The following ADAMTS3 variants were observed in gnomAD, a reference collection of about 807,000 sequenced individuals.
ADAMTS3 encodes the protein A disintegrin and metalloproteinase with thrombospondin motifs 3.
A neutral mutation model predicts 129.0 loss-of-function variants in ADAMTS3; 73 were observed. The ratio of observed to expected loss-of-function variants is 0.57; its 90% CI spans 0.47 to 0.69. The LOEUF is 0.69. Among genes scored for constraint, ADAMTS3 ranks in the 30% least tolerant of loss-of-function variants. The pLI is 0.00. For synonymous variants in ADAMTS3, 477 were observed against 510.8 expected, an observed-to-expected ratio of 0.93 and a Z score of 0.89; for missense variants, 1,457 against 1,514.5, an observed-to-expected ratio of 0.96 and a Z score of 0.63.
intron 3 of ADAMTS3, among the ~76,000 whole-genome samples, chr4:72,546,850 G>A (rs1199747383): frequency 6.6e-6 from 1 of 152,146 alleles, no homozygotes; most frequent in Non-Finnish European, 1.5e-5. Context: ...TTCCCAAGAA[G>A]TGTGTAAAAT....
intron 5 of ADAMTS3, chr4:72,330,549 T>C (rs753949386): frequency 5.3e-5 from 8 of 152,234 alleles, no homozygotes; most frequent in Non-Finnish European, 1.2e-4. Context: ...TACTACCAAG[T>C]ACCGCAGACA....
intron 19 of ADAMTS3, among the ~76,000 whole-genome samples, chr4:72,293,484 T>A (rs1718728997): frequency 6.6e-6 from 1 of 152,118 alleles, no homozygotes; most frequent in African/African-American, 2.4e-5. Context: ...TGAGATCGCT[T>A]TAGAAACCTA....
chr4:72,315,576 C>T (rs1719371497), intron 11 of ADAMTS3, among the ~76,000 whole-genome samples: 1 of 152,132 alleles, frequency 6.6e-6, no homozygotes, highest in African/African-American at 2.4e-5. Flanking sequence ...TGGCCCTGCC[C>T]ACACACTGAT....
chr4:72,329,463 C>CA (rs1350099292), intron 5 of ADAMTS3, among the ~76,000 whole-genome samples: 1 of 152,168 alleles, frequency 6.6e-6, no homozygotes, highest in Non-Finnish European at 1.5e-5. Context: ...CAGACATTGT[C>CA]ATTGCTACTT....
chr4:72,359,010 C>T (rs893211953), intron 4 of ADAMTS3, among the ~76,000 whole-genome samples: 3 of 151,662 alleles, frequency 2.0e-5, no homozygotes, highest in African/African-American at 7.3e-5. Context: ...AAAACATAAA[C>T]AAAACAAAGA....
At chr4:72,284,481 T>C (rs1159634354) in intron 21 of ADAMTS3, among the ~76,000 whole-genome samples, 2 of 151,762 alleles carry the variant, frequency 1.3e-5, no homozygotes, top group Admixed American at 6.6e-5. Context: ...TTGAATAAAA[T>C]AGTTTCATGT....
chr4:72,283,181 G>A lies in ADAMTS3; in HGVS notation c.3573C>T (p.Ile1191=), dbSNP rs867569705. Residue 1191 remains isoleucine, a synonymous_variant, in exon 22 of 22, where the codon ATC becomes ATT. Transcript: ENST00000286657. ...ATCTTGTCGGACGTCTGTTGTCAATGATCTTTCCATCTTTCTTTGAGGTTC... is the reference window on the plus strand; with the variant it reads ...ATCTTGTCGGACGTCTGTTGTCAATAATCTTTCCATCTTTCTTTGAGGTTC... ...QARTSKKDGK[I]IDNRRPTRSS... 6.2e-7 allele frequency: 1 copy of A among 1,613,558 alleles called. No individual in the cohort carries two copies. The highest frequency in any genetic ancestry group is 1.1e-5 in the South Asian group (1 of 91,026).
chr4:72,491,986 TG>T (rs1719757684), intron 3 of ADAMTS3, among the ~76,000 whole-genome samples: 1 of 151,750 alleles, frequency 6.6e-6, no homozygotes, highest in African/African-American at 2.4e-5. Flanking sequence ...GACACAATTT[TG>T]GTAGTTTGAA....
chr4:72,333,690 A>G (rs1719908950), intron 5 of ADAMTS3, among the ~76,000 whole-genome samples: 1 of 152,062 alleles, frequency 6.6e-6, no homozygotes, highest in Non-Finnish European at 1.5e-5. Context: ...CTGACTCCTT[A>G]CACACTAAAT....
At chr4:72,290,542 T>C (rs911400279) in intron 20 of ADAMTS3, among the ~76,000 whole-genome samples, 1 of 152,152 alleles carries the variant, frequency 6.6e-6, no homozygotes, top group African/African-American at 2.4e-5. Context: ...TGCCAAATGG[T>C]GCTGGGCCCT....
At chr4:72,301,895 A>G (rs989771907) in intron 17 of ADAMTS3, among the ~76,000 whole-genome samples, 1 of 152,032 alleles carries the variant, frequency 6.6e-6, no homozygotes, top group African/African-American at 2.4e-5. Context: ...AGAAATCTAC[A>G]TGGGTCCATG....
At chr4:72,426,331 T>C (rs1316359017) in intron 3 of ADAMTS3, among the ~76,000 whole-genome samples, 1 of 152,208 alleles carries the variant, frequency 6.6e-6, no homozygotes, top group African/African-American at 2.4e-5. Context: ...AGAAGCTCTT[T>C]AGTTTAATTA....
At chr4:72,457,098 A>G (rs556918575) in intron 3 of ADAMTS3, among the ~76,000 whole-genome samples, 75 of 151,808 alleles carry the variant, frequency 4.9e-4, no homozygotes, top group African/African-American at 1.7e-3. Context: ...TACCACATGA[A>G]ATAAAGATGT....
intron 4 of ADAMTS3, among the ~76,000 whole-genome samples, chr4:72,381,314 G>A (rs1296913708): frequency 6.6e-6 from 1 of 152,018 alleles, no homozygotes; most frequent in Non-Finnish European, 1.5e-5. Context: ...CTGGTCTCTG[G>A]TAGAACTGAA....
chr4:72,308,358 T>C (rs771697938), intron 15 of ADAMTS3, among the ~76,000 whole-genome samples: 1 of 151,948 alleles, frequency 6.6e-6, no homozygotes, highest in African/African-American at 2.4e-5. Flanking sequence ...ATCAGGGGTA[T>C]AATGGGAATA....
In ADAMTS3 at chr4:72,555,976, TG is replaced by T. The variant is rs577720706; in HGVS notation, c.98-7093del. 7.3e-4 allele frequency among the ~76,000 whole-genome samples: 111 copies of T among 151,888 alleles called. 2 individuals are homozygous for T. The highest frequency in any genetic ancestry group is 3.4e-3 in the Middle Eastern group (1 of 294). On this transcript the variant is annotated intron_variant, in intron 2 of 21. Coordinates refer to ENST00000286657, the MANE Select transcript of ADAMTS3 (RefSeq NM_014243.3). ...CCTGTCATGCCTCCTGTATAGCCTA[TG>T]GAACTGTGATTCAATTAAACCTCTT...
intron 4 of ADAMTS3, among the ~76,000 whole-genome samples, chr4:72,387,838 G>A (rs1382592385): frequency 6.6e-6 from 1 of 151,592 alleles, no homozygotes; most frequent in African/African-American, 2.4e-5. Flanking sequence ...GCTATTTATT[G>A]TTGTTCCCCC....
intron 3 of ADAMTS3, among the ~76,000 whole-genome samples, chr4:72,422,502 A>T (rs2109935272): frequency 6.6e-6 from 1 of 152,180 alleles, no homozygotes; most frequent in South Asian, 2.1e-4. Flanking sequence ...TTTTGCTTTA[A>T]TTCTTCATAT....
At chr4:72,433,966 A>C (rs1318753451) in intron 3 of ADAMTS3, among the ~76,000 whole-genome samples, 2 of 151,910 alleles carry the variant, frequency 1.3e-5, no homozygotes, top group Non-Finnish European at 2.9e-5. Flanking sequence ...TCAATGAACT[A>C]GACTACCGAG....
Sources: allele counts gnomAD v4.1 joint callset (sites outside exome capture counted in the v4.1 genomes callset), GRCh38; gene constraint gnomAD v4.1.1; transcripts MANE v1.5; gene names NCBI Gene and HGNC (gene_info 2026-07-23, HGNC 2026-07-21).